The following DCHS2 variants were observed in gnomAD, a reference collection of about 807,000 sequenced individuals.
DCHS2 encodes protocadherin-23.
DCHS2 carries 142 observed loss-of-function variants against 182.4 expected under a neutral mutation model. The observed-to-expected ratio is 0.78, with a 90% CI of 0.68 to 0.89. The LOEUF (loss-of-function observed/expected upper bound fraction) is 0.89, where lower values mean the gene tolerates loss of function less well. DCHS2 is among the 40% of genes least tolerant of loss of function. DCHS2 has a pLI of 0.00. For missense variants in DCHS2, 4,319 were observed against 4,198.6 expected (o/e 1.03, Z -0.79); for synonymous variants, 1,740 against 1,663.3 (o/e 1.05, Z -1.12).
At chr4:154,246,391 G>A (rs1218909274) in intron 16 of DCHS2, among the ~76,000 whole-genome samples, 3 of 152,096 alleles carry the variant, frequency 2.0e-5, no homozygotes, top group African/African-American at 7.2e-5. Context: ...CCATTTGTAT[G>A]TCATCCTGAA....
chr4:154,491,034 C>A lies in DCHS2; in HGVS notation c.322G>T (p.Asp108Tyr). 1 of 1,551,116 alleles carries A rather than the reference C, an allele frequency of 6.4e-7. No homozygotes were observed. Among genetic ancestry groups the A allele is most frequent in the Non-Finnish European group, 8.7e-7 (1 of 1,146,838 alleles). ...GSGFFLSEDS[D>Y]DSPLLDDFHV... ...AAGTCGTCCAGCAGCGGGGAGTCAT[C>A]GGAGTCCTCCGACAGAAAGAAGCCG... The change falls in exon 1 of 20, where the codon GAT (aspartate) becomes TAT (tyrosine). Residue 108 changes from aspartate (D) to tyrosine (Y), a missense_variant. Asp to Tyr is a radical substitution (Grantham distance 160). Transcript: ENST00000357232.
chr4:154,388,096 C>T (rs1009997478), intron 1 of DCHS2, among the ~76,000 whole-genome samples: 7 of 152,068 alleles, frequency 4.6e-5, no homozygotes, highest in Non-Finnish European at 1.0e-4. Flanking sequence ...TAAAAATATT[C>T]ATCTCCTTTG....
chr4:154,328,043 A>C (rs778091597), intron 7 of DCHS2, 50 bp downstream of exon 7: 1 of 1,344,152 alleles, frequency 7.4e-7, no homozygotes. Context: ...TTGATAAATG[A>C]AAGCAGAAAT....
chr4:154,287,810 T>C (rs925423227), intron 13 of DCHS2, among the ~76,000 whole-genome samples: 2 of 152,126 alleles, frequency 1.3e-5, no homozygotes, highest in African/African-American at 4.8e-5. Context: ...AGTTTTCTCT[T>C]TGTTTGGTTG....
At chr4:154,366,825 A>G (rs1269762282) in intron 2 of DCHS2, among the ~76,000 whole-genome samples, 3 of 152,232 alleles carry the variant, frequency 2.0e-5, no homozygotes, top group Non-Finnish European at 4.4e-5. Flanking sequence ...GGCCAAATAC[A>G]TTCAAGGAAA....
chr4:154,377,300 C>T lies in DCHS2; in HGVS notation c.2197G>A (p.Glu733Lys), dbSNP rs1730948817. ...AGATCATAGGTAGCTGGATCCCTTT[C>T]CCTGTCGATATCTTGAGAAACACAG... ...QICVSQDIDR[E>K]RDPATYDLLV... is the part of the protein sequence containing the mutation. Residue 733 changes from glutamate to lysine, a missense_variant, in exon 2 of 20, where the codon GAA becomes AAA. By Grantham distance (56) the Glu-to-Lys change is moderately conservative. Transcript: ENST00000357232. 2.5e-6 allele frequency: 4 copies of T among 1,613,542 alleles called. No individual in the cohort carries two copies. The South Asian group carries it at 4.4e-5, about 18-fold the overall frequency.
intron 3 of DCHS2, among the ~76,000 whole-genome samples, chr4:154,362,443 A>T (rs1335142952): frequency 1.3e-5 from 2 of 152,204 alleles, no homozygotes; most frequent in Admixed American, 6.5e-5. Flanking sequence ...TTATTCATTT[A>T]TTCCACAAAT....
intron 1 of DCHS2, among the ~76,000 whole-genome samples, chr4:154,429,974 A>G (rs541357991): frequency 2.0e-5 from 3 of 152,282 alleles, no homozygotes; most frequent in African/African-American, 7.2e-5. Context: ...AATAAATGAG[A>G]TAATATAAAG....
chr4:154,433,488 G>A (rs1349726271), intron 1 of DCHS2, among the ~76,000 whole-genome samples: 1 of 137,708 alleles, frequency 7.3e-6, no homozygotes, highest in Admixed American at 8.8e-5. Flanking sequence ...TCTGCTTCCC[G>A]TGTTCAAGTG....
At position 154,289,607 on chromosome 4, in the gene DCHS2, TACCAAAATCAGACTAAGAG is replaced by T. The variant is rs1286624547; in HGVS notation, c.6463+8225_6463+8243del. 1.2e-4 allele frequency among the ~76,000 whole-genome samples: 19 copies of T among 152,090 alleles called. No individual in the cohort carries two copies. In the South Asian group the frequency reaches 3.1e-3, roughly 25 times the overall value. ...TTCTACCAGGTCATTATTATCTTCG[TACCAAAATCAGACTAAGAG>T]ACATCAAAAAAAGAGAAAAGTAAAG... On this transcript the variant is annotated intron_variant, in intron 13 of 19. Transcript: ENST00000357232.
In DCHS2 at chr4:154,490,020, CG is replaced by C; in HGVS notation, c.1335del (p.Asp445GlufsTer75). 6 of 1,548,072 alleles carry C rather than the reference CG, an allele frequency of 3.9e-6. No individual in the cohort carries two copies. Among genetic ancestry groups the C allele is most frequent in the Non-Finnish European group, 5.2e-6 (6 of 1,146,914 alleles). On this transcript the variant is annotated frameshift_variant, in exon 1 of 20. Transcript: ENST00000357232. LOFTEE classifies it high-confidence loss of function. ...GCCTCATCTTCCTTCTCCCAGTCACCGTCCGCGTCAGACACCGAGACGCGAG... is the reference window on the plus strand; with the variant it reads ...GCCTCATCTTCCTTCTCCCAGTCACCTCCGCGTCAGACACCGAGACGCGAG... ...YVARVSVSDA[D>X]GDWEKEDEAT...
chr4:154,240,724 G>A lies in DCHS2; in HGVS notation c.7172C>T (p.Thr2391Ile), dbSNP rs369484496. The A allele has an allele frequency of 9.4e-5, 151 of 1,613,774 alleles. No homozygotes were observed. The highest frequency in any genetic ancestry group is 1.2e-4 in the Non-Finnish European group (147 of 1,179,924). The change falls in exon 18 of 20, where the codon ACC (threonine) becomes ATC (isoleucine). Residue 2391 changes from threonine to isoleucine, a missense_variant. Physicochemically the swap from Thr to Ile is moderately conservative, Grantham distance 89. Transcript: ENST00000357232. ...FSFAKESNPG[T>I]KFAIDQNTGV... ...AGTGTTCTGATCAATAGCAAACTTG[G>A]TTCCAGGATTACTCTCTTTGGCAAA...
chr4:154,266,337 G>A (rs777414859), intron 14 of DCHS2, among the ~76,000 whole-genome samples: 1 of 151,120 alleles, frequency 6.6e-6, no homozygotes, highest in Non-Finnish European at 1.5e-5. Context: ...TTTTTTTGTT[G>A]TTTGTTTGTT....
intron 1 of DCHS2, among the ~76,000 whole-genome samples, chr4:154,395,712 G>T (rs1169261588): frequency 6.6e-6 from 1 of 152,166 alleles, no homozygotes; most frequent in Non-Finnish European, 1.5e-5. Flanking sequence ...ATGCAAAGTA[G>T]CTATAAGACT....
At chr4:154,363,264 T>G (rs1172512517) in intron 3 of DCHS2, among the ~76,000 whole-genome samples, 3 of 152,174 alleles carry the variant, frequency 2.0e-5, no homozygotes, top group Non-Finnish European at 4.4e-5. Flanking sequence ...TTTACACTAG[T>G]ATGTTCATTG....
chr4:154,333,510 G>A lies in DCHS2; in HGVS notation c.2714-16C>T, dbSNP rs745583906. 3.1e-5 allele frequency: 50 copies of A among 1,594,352 alleles called. No individual in the cohort carries two copies. Among genetic ancestry groups the A allele is most frequent in the Non-Finnish European group, 4.1e-5 (48 of 1,167,272 alleles). On this transcript the variant is annotated splice_polypyrimidine_tract_variant and intron_variant, in intron 4 of 19. Coordinates refer to ENST00000357232, the MANE Select transcript of DCHS2 (RefSeq NM_001358235.2). ...TCTGAGGAGTCTGAAAAAGAGAGAG[G>A]GGACAACCACTGTATGTCAAAAGGG...
At chr4:154,410,190 C>T (rs1017668019) in intron 1 of DCHS2, among the ~76,000 whole-genome samples, 7 of 151,406 alleles carry the variant, frequency 4.6e-5, no homozygotes, top group African/African-American at 1.7e-4. Context: ...TTATAAATTG[C>T]CTGAAAAAAA....
Position 154,298,432 on chromosome 4 carries a change from T to C in DCHS2, c.5882A>G (p.Asp1961Gly), listed in dbSNP as rs775222616. Residue 1961 changes from aspartate (D) to glycine (G), a missense_variant, in exon 13 of 20, where the codon GAT becomes GGT. Transcript: ENST00000357232. ...VVLVLSAVDKDEGLNGQTEYF... is the reference protein window; with the variant it reads ...VVLVLSAVDKGEGLNGQTEYF... ...CTCAGTTTGCCCATTCAGGCCTTCA[T>C]CCTTGTCCACAGCTGAAAGCACAAG... 5 of 1,614,086 alleles carry C rather than the reference T, an allele frequency of 3.1e-6. No homozygotes were observed. The highest frequency in any genetic ancestry group is 1.1e-5 in the South Asian group (1 of 91,082).
chr4:154,286,542 G>A (rs1734406874), intron 13 of DCHS2, among the ~76,000 whole-genome samples: 1 of 151,844 alleles, frequency 6.6e-6, no homozygotes, highest in African/African-American at 2.4e-5. Context: ...CAGAAATTCT[G>A]GAGTTGGAAA....
Sources: gnomAD v4.1 joint callset for allele counts (sites outside exome capture counted in the v4.1 genomes callset) on GRCh38, gnomAD v4.1.1 for gene constraint, MANE v1.5 for transcripts, NCBI Gene and HGNC (gene_info 2026-07-23, HGNC 2026-07-21) for gene names.